Variants in CFH observed in about 807,000 individuals in gnomAD.
The protein encoded by CFH is H factor 1 (complement).
A neutral mutation model predicts 147.3 loss-of-function variants in CFH; 53 were observed. The ratio of observed to expected loss-of-function variants is 0.36; its 90% CI spans 0.29 to 0.45. The LOEUF is 0.45. Among genes scored for constraint, CFH ranks in the 20% least tolerant of loss-of-function variants. The pLI is 1.00. For synonymous variants in CFH, 536 were observed against 489.4 expected (o/e 1.10, Z -1.26); for missense variants, 1,380 against 1,498.0 (o/e 0.92, Z 1.30).
chr1:196,737,694 T>G, intron 17 of CFH, 34 bp downstream of exon 17: 1 of 1,567,226 alleles, frequency 6.4e-7, no homozygotes, highest in Non-Finnish European at 8.8e-7. Flanking sequence ...TTTCTGTTTA[T>G]AGTAGAATTC....
At chr1:196,656,143 A>C (rs1188606931) in intron 1 of CFH, among the ~76,000 whole-genome samples, 1 of 152,020 alleles carries the variant, frequency 6.6e-6, no homozygotes, top group Non-Finnish European at 1.5e-5. Context: ...ATCTCTACTA[A>C]AAATACAAAA....
chr1:196,728,840 G>T (rs905482932), intron 15 of CFH, among the ~76,000 whole-genome samples: 7 of 151,758 alleles, frequency 4.6e-5, no homozygotes, highest in African/African-American at 1.7e-4. Flanking sequence ...ATGTTCCTGT[G>T]CCTATACCTC....
chr1:196,690,031 C>T, intron 8 of CFH, 32 bp from the exon 9 acceptor site: 1 of 1,568,110 alleles, frequency 6.4e-7, no homozygotes, highest in South Asian at 1.1e-5. Flanking sequence ...TTCTCATTTA[C>T]TTTATTTATT....
intron 17 of CFH, among the ~76,000 whole-genome samples, chr1:196,738,525 C>T (rs985920618): frequency 6.6e-6 from 1 of 152,114 alleles, no homozygotes; most frequent in Admixed American, 6.5e-5. Flanking sequence ...AACAAAGTGG[C>T]TATATGCTTG....
chr1:196,728,402 T>G lies in CFH; in HGVS notation c.2293T>G (p.Leu765Val). Residue 765 changes from leucine (L) to valine (V), a missense_variant, in exon 15 of 22, where the codon TTA (leucine) becomes GTA (valine). Transcript: ENST00000367429. ...SSNLIILEEH[L>V]KNKKEFDHNS... is the part of the protein sequence containing the mutation. The stretch of plus-strand genomic sequence containing the variant: ...AAATTTAATTATACTTGAGGAACAT[T>G]TAAAAAACAAGAAGGAATTCGATCA... The G allele has an allele frequency of 3.7e-6, 6 of 1,602,730 alleles. No homozygotes were observed. The highest frequency in any genetic ancestry group is 5.1e-6 in the Non-Finnish European group (6 of 1,171,964).
chr1:196,741,858 T>C lies in CFH; in HGVS notation c.2957-17T>C. On this transcript the variant is annotated splice_polypyrimidine_tract_variant and intron_variant, in intron 18 of 21. Coordinates refer to ENST00000367429, the MANE Select transcript of CFH (RefSeq NM_000186.4). ...TTTAAAGATTTGCGGAACAAATACATATTTTTCCTATTTCAGAAACAGATT... is the reference window on the plus strand; with the variant it reads ...TTTAAAGATTTGCGGAACAAATACACATTTTTCCTATTTCAGAAACAGATT... The C allele has an allele frequency of 1.9e-6, 3 of 1,612,916 alleles. No individual in the cohort carries two copies. The highest frequency in any genetic ancestry group is 2.5e-6 in the Non-Finnish European group (3 of 1,178,910).
intron 9 of CFH, among the ~76,000 whole-genome samples, chr1:196,705,561 A>G (rs1407533228): frequency 6.6e-6 from 1 of 152,228 alleles, no homozygotes; most frequent in Non-Finnish European, 1.5e-5. Flanking sequence ...CCCCTGAACT[A>G]AGAAAGCCAT....
chr1:196,694,933 A>T lies in CFH; in HGVS notation c.1336+4694A>T, dbSNP rs182812495. Among the ~76,000 whole-genome samples, 210 of 152,150 alleles carry T rather than the reference A, an allele frequency of 1.4e-3. 1 individual carries two copies. Among genetic ancestry groups the T allele is most frequent in the African/African-American group, 4.8e-3 (201 of 41,510 alleles). On this transcript the variant is annotated intron_variant, in intron 9 of 21. Transcript: ENST00000367429. ...TCTGTCAGATGGATAGATTGCAAAA[A>T]TTTTCTCCCATTCTGTAGATTGCCT...
chr1:196,741,132 T>C, intron 18 of CFH: 1 of 288,482 alleles, frequency 3.5e-6, no homozygotes, highest in Non-Finnish European at 6.6e-6. Flanking sequence ...AAGTACATTT[T>C]CTGAAATATT....
intron 9 of CFH, among the ~76,000 whole-genome samples, chr1:196,704,143 T>C (rs1371904287): frequency 2.0e-5 from 3 of 152,016 alleles, no homozygotes; most frequent in African/African-American, 4.8e-5. Context: ...GGTGGCACGA[T>C]TGTGGCTCAC....
At chr1:196,730,034 T>C (rs1336957368) in intron 15 of CFH, among the ~76,000 whole-genome samples, 1 of 151,916 alleles carries the variant, frequency 6.6e-6, no homozygotes, top group East Asian at 1.9e-4. Flanking sequence ...AAAAAAAAAC[T>C]ATTTTCATTG....
chr1:196,699,231 T>G (rs1361038269), intron 9 of CFH, among the ~76,000 whole-genome samples: 5 of 19,698 alleles, frequency 2.5e-4, no homozygotes, highest in African/African-American at 5.5e-4. Context: ...AGATAATGTG[T>G]TTTTTTTTCC....
chr1:196,700,224 G>A (rs1668409797), intron 9 of CFH, among the ~76,000 whole-genome samples: 1 of 152,164 alleles, frequency 6.6e-6, no homozygotes, highest in South Asian at 2.1e-4. Context: ...AGTGAAATGG[G>A]TTTGAGTCTT....
At chr1:196,682,941 G>A (rs963230730) in intron 6 of CFH, among the ~76,000 whole-genome samples, 5 of 151,072 alleles carry the variant, frequency 3.3e-5, no homozygotes, top group African/African-American at 1.2e-4. Flanking sequence ...ATGGTATTGA[G>A]AAGAGGAAAT....
intron 1 of CFH, among the ~76,000 whole-genome samples, chr1:196,655,746 G>A (rs778023471): frequency 3.3e-5 from 5 of 152,074 alleles, no homozygotes; most frequent in African/African-American, 4.8e-5. Flanking sequence ...GTTAACTAAC[G>A]TGTACTTTAC....
chr1:196,696,565 G>A (rs1412591852), intron 9 of CFH, among the ~76,000 whole-genome samples: 1 of 151,962 alleles, frequency 6.6e-6, no homozygotes, highest in African/African-American at 2.4e-5. Flanking sequence ...AGCTTGATGG[G>A]GATGGCATTG....
intron 9 of CFH, among the ~76,000 whole-genome samples, chr1:196,704,017 T>C (rs1298619924): frequency 1.3e-5 from 2 of 151,566 alleles, no homozygotes; most frequent in Non-Finnish European, 1.5e-5. Context: ...ACAGAGTTTT[T>C]CTATACATCC....
intron 1 of CFH, among the ~76,000 whole-genome samples, chr1:196,663,729 T>A (rs1341836681): frequency 6.6e-6 from 1 of 152,212 alleles, no homozygotes; most frequent in Non-Finnish European, 1.5e-5. Context: ...AAGCCAAATT[T>A]GTGCTTTAAA....
At chr1:196,742,655 C>T (rs1297379943) in intron 19 of CFH, among the ~76,000 whole-genome samples, 1 of 152,108 alleles carries the variant, frequency 6.6e-6, no homozygotes, top group Non-Finnish European at 1.5e-5. Context: ...ATTCCGTAAG[C>T]TCATTCTAGA....
Sources: gnomAD v4.1 joint callset for allele counts (sites outside exome capture counted in the v4.1 genomes callset) on GRCh38, gnomAD v4.1.1 for gene constraint, MANE v1.5 for transcripts, NCBI Gene and HGNC (gene_info 2026-07-23, HGNC 2026-07-21) for gene names.